The following FBRSL1 variants were observed in gnomAD, a reference collection of about 807,000 sequenced individuals.
FBRSL1 encodes fibrosin like 1.
FBRSL1 carries 51 observed loss-of-function variants against 89.6 expected under a neutral mutation model. The observed-to-expected ratio is 0.57, with a 90% CI of 0.45 to 0.72. FBRSL1 has a LOEUF of 0.72. Among genes scored for constraint, FBRSL1 ranks in the 30% least tolerant of loss-of-function variants. The pLI, the probability that FBRSL1 is intolerant of heterozygous loss-of-function variation, is 0.00. For missense variants in FBRSL1, 1,618 were observed against 1,451.8 expected, an observed-to-expected ratio of 1.11 and a Z score of -1.86; for synonymous variants, 779 against 681.1, an observed-to-expected ratio of 1.14 and a Z score of -2.24.
intron 2 of FBRSL1, among the ~76,000 whole-genome samples, chr12:132,524,638 C>T (rs971890579): frequency 1.3e-5 from 2 of 152,168 alleles, no homozygotes; most frequent in East Asian, 1.9e-4. Flanking sequence ...CCCTGGCATG[C>T]GAGGCCTGGG....
intron 5 of FBRSL1, chr12:132,560,141 G>C (rs1467663991): frequency 1.3e-5 from 2 of 151,874 alleles, no homozygotes; most frequent in African/African-American, 4.8e-5. Context: ...GGACGGGCCA[G>C]GGCCACCCGG....
At chr12:132,509,691 T>C in intron 2 of FBRSL1, 1 of 1,231,618 alleles carries the variant, frequency 8.1e-7, no homozygotes, top group Non-Finnish European at 1.0e-6. Context: ...GCGCCTGCGG[T>C]CCCTGCTGAC....
intron 4 of FBRSL1, among the ~76,000 whole-genome samples, chr12:132,547,398 C>G (rs930552032): frequency 6.6e-6 from 1 of 152,198 alleles, no homozygotes. Flanking sequence ...CCTAACCAGC[C>G]AAGCTGACAA....
In FBRSL1 at chr12:132,499,967, T is replaced by C. The variant is rs536591982; in HGVS notation, c.292-8186T>C. ...GCTGTGCTGGCGTCAGGGAGGAGGC[T>C]GGGTGGGCTACTGGGCTCTCCGCAG... On this transcript the variant is annotated intron_variant, in intron 1 of 18. Coordinates refer to ENST00000680143, the MANE Select transcript of FBRSL1 (RefSeq NM_001367871.1). The surrounding 1 kb of genome is among the most constrained non-coding windows in gnomAD (Gnocchi z 4.3). Among the ~76,000 whole-genome samples the C allele has an allele frequency of 9.9e-5, 15 of 152,002 alleles. No individual in the cohort carries two copies. Among genetic ancestry groups the C allele is most frequent in the Non-Finnish European group, 1.9e-4 (13 of 67,964 alleles).
In FBRSL1 at chr12:132,570,035, C is replaced by T. The variant is rs1180502847; in HGVS notation, c.801C>T (p.Pro267=). ...AGAGCTTCCTGCCCACTGCCAGCCC[C>T]GCGCCCCATGCCGCGCCCTGCCCGG... ...SAESFLPTAS[P]APHAAPCPGP... Residue 267 remains proline (P), a synonymous_variant, in exon 7 of 19, where the codon CCC becomes CCT. Coordinates refer to ENST00000680143, the MANE Select transcript of FBRSL1 (RefSeq NM_001367871.1). 6.6e-6 allele frequency: 10 copies of T among 1,511,838 alleles called. No individual in the cohort carries two copies. Among genetic ancestry groups the T allele is most frequent in the South Asian group, 3.7e-5 (3 of 81,274 alleles). 93.7% of individuals were successfully genotyped at this position (1,511,838 alleles called of 1,614,324 possible). A position where few individuals can be genotyped will look rare whatever the true frequency, so the allele number is the denominator to read the frequency against.
intron 5 of FBRSL1, chr12:132,554,519 A>G (rs1033201927): frequency 6.6e-6 from 1 of 152,242 alleles, no homozygotes; most frequent in African/African-American, 2.4e-5. Context: ...TGCTTTTCTA[A>G]AATGTGCAAT....
Position 132,584,843 on chromosome 12 carries a change from C to A in FBRSL1, c.*1065C>A, listed in dbSNP as rs1210356189. The A allele has an allele frequency of 3.3e-5, 5 of 152,212 alleles. No homozygotes were observed. The highest frequency in any genetic ancestry group is 2.4e-5 in the African/African-American group (1 of 41,168). The allele number at this position is 152,212 out of a possible 1,614,324, so 9.4% of individuals were successfully genotyped here. Reference sequence around the variant, plus strand: ...TTACACACACACACACACACACACACACACACACAAAATCACTGCTGTGTG... The same window carrying A: ...TTACACACACACACACACACACACAAACACACACAAAATCACTGCTGTGTG... On this transcript the variant is annotated 3_prime_UTR_variant, in exon 19 of 19. Coordinates refer to ENST00000680143, the MANE Select transcript of FBRSL1 (RefSeq NM_001367871.1).
chr12:132,492,004 T>A (rs1243876720), intron 1 of FBRSL1, among the ~76,000 whole-genome samples: 2 of 152,222 alleles, frequency 1.3e-5, no homozygotes, highest in Non-Finnish European at 2.9e-5. Context: ...GCTCCAGGGC[T>A]GGCACACGCC....
intron 4 of FBRSL1, among the ~76,000 whole-genome samples, chr12:132,536,142 G>C (rs1287876802): frequency 6.9e-6 from 1 of 145,604 alleles, no homozygotes; most frequent in Non-Finnish European, 1.5e-5. Context: ...ACATGATGGT[G>C]TGTGAGTGCA....
intron 5 of FBRSL1, among the ~76,000 whole-genome samples, chr12:132,559,255 C>T (rs2038915854): frequency 6.6e-6 from 1 of 152,216 alleles, no homozygotes; most frequent in African/African-American, 2.4e-5. Context: ...AGCAGCTGCT[C>T]GGAGCTGTCT....
chr12:132,504,558 G>C (rs2033442930), intron 1 of FBRSL1, among the ~76,000 whole-genome samples: 1 of 152,094 alleles, frequency 6.6e-6, no homozygotes, highest in Non-Finnish European at 1.5e-5. Context: ...GGGCCCCTGT[G>C]TGCGCAGGTG....
chr12:132,497,336 G>A (rs551423150), intron 1 of FBRSL1, among the ~76,000 whole-genome samples: 42 of 152,142 alleles, frequency 2.8e-4, no homozygotes, highest in African/African-American at 8.2e-4. Flanking sequence ...AGAGGAGCCC[G>A]GGGTGGCCTG....
intron 5 of FBRSL1, among the ~76,000 whole-genome samples, chr12:132,548,831 G>A (rs539997781): frequency 3.3e-3 from 503 of 152,342 alleles, no homozygotes; most frequent in Non-Finnish European, 5.5e-3. Context: ...TGGTCACCCC[G>A]GCCTCAGGGA....
intron 15 of FBRSL1, among the ~76,000 whole-genome samples, chr12:132,578,344 C>CACACACACACACACACACAT (rs1491470147): frequency 2.8e-3 from 71 of 25,696 alleles, no homozygotes; most frequent in Non-Finnish European, 5.1e-3. Context: ...GACCCTGTCT[C>CACACACACACACACACACAT]ACACACACAC....
chr12:132,572,981 G>A (rs2040141132), intron 11 of FBRSL1, among the ~76,000 whole-genome samples: 1 of 152,188 alleles, frequency 6.6e-6, no homozygotes, highest in Admixed American at 6.5e-5. Flanking sequence ...TTCTTACGGG[G>A]CCATCCACAC....
chr12:132,570,301 C>A, intron 7 of FBRSL1, 34 bp from the exon 8 acceptor site: 1 of 1,518,332 alleles, frequency 6.6e-7, no homozygotes, highest in South Asian at 1.2e-5. Context: ...CTGCAGGGGT[C>A]GGGCTGGCAG....
chr12:132,511,522 T>C (rs1047747322), intron 2 of FBRSL1: 65 of 985,610 alleles, frequency 6.6e-5, no homozygotes, highest in Non-Finnish European at 7.3e-5. Context: ...AGGGGGTGTT[T>C]GGGGGGGCTT....
At position 132,582,049 on chromosome 12, in the gene FBRSL1, C is replaced by T; in HGVS notation, c.1997-13C>T. The stretch of plus-strand genomic sequence containing the variant: ...ACAGACCCAACCTCATGCTCCCCGG[C>T]CTCTGCCCCCAGCTCCCGGTGGCAG... On this transcript the variant is annotated splice_polypyrimidine_tract_variant and intron_variant, in intron 17 of 18. Transcript: ENST00000680143. 1.3e-6 allele frequency: 2 copies of T among 1,540,280 alleles called. No homozygotes were observed. The highest frequency in any genetic ancestry group is 2.4e-5 in the South Asian group (2 of 83,518).
intron 5 of FBRSL1, among the ~76,000 whole-genome samples, chr12:132,561,257 C>T (rs1222602981): frequency 1.3e-5 from 2 of 152,192 alleles, no homozygotes; most frequent in African/African-American, 4.8e-5. Context: ...TGTGGCGTGA[C>T]CAGAATGGGT....
Sources: gnomAD v4.1 joint callset for allele counts (sites outside exome capture counted in the v4.1 genomes callset) on GRCh38, gnomAD v4.1.1 for gene constraint, Gnocchi (gnomAD v3.1) non-coding constraint, MANE v1.5 for transcripts, NCBI Gene and HGNC (gene_info 2026-07-23, HGNC 2026-07-21) for gene names.